SYT1: variants seen among roughly 807,000 people sequenced by gnomAD.
SYT1 encodes the protein synaptotagmin 1, also known as synaptotagmin-1.
In SYT1, 8 loss-of-function variants were observed where a neutral mutation model predicts 44.8. That is an observed-to-expected ratio of 0.18 (90% CI 0.10 to 0.32). The LOEUF is 0.32. Ranked by LOEUF, SYT1 falls within the 10% of genes least tolerant of loss-of-function variation. The pLI is 1.00. For missense variants in SYT1, 286 were observed against 509.3 expected (o/e 0.56, Z 4.22); for synonymous variants, 154 against 188.8 (o/e 0.82, Z 1.51).
At chr12:79,407,880 T>C (rs1285472851) in intron 9 of SYT1, among the ~76,000 whole-genome samples, 1 of 152,104 alleles carries the variant, frequency 6.6e-6, no homozygotes, top group Non-Finnish European at 1.5e-5. Flanking sequence ...TTTGATCACA[T>C]CACTACTGTA....
intron 8 of SYT1, among the ~76,000 whole-genome samples, chr12:79,314,896 A>G (rs1881006899): frequency 1.3e-5 from 2 of 152,242 alleles, no homozygotes; most frequent in Non-Finnish European, 2.9e-5. Context: ...AAAAAGAAAT[A>G]GTCTTGATAC....
intron 3 of SYT1, among the ~76,000 whole-genome samples, chr12:79,182,761 A>C (rs991620227): frequency 1.3e-5 from 2 of 152,088 alleles, no homozygotes; most frequent in African/African-American, 2.4e-5. Context: ...GATAACCTAA[A>C]GCAAATTGCA....
intron 1 of SYT1, among the ~76,000 whole-genome samples, chr12:78,967,389 A>T (rs902036127): frequency 2.6e-5 from 4 of 152,208 alleles, no homozygotes; most frequent in African/African-American, 9.6e-5. Flanking sequence ...GACATCAGTT[A>T]TGAAGCTAAA....
At chr12:79,020,911 C>T (rs1022898756) in intron 2 of SYT1, among the ~76,000 whole-genome samples, 1 of 151,890 alleles carries the variant, frequency 6.6e-6, no homozygotes, top group Non-Finnish European at 1.5e-5. Flanking sequence ...ATTTATGCAG[C>T]TTCTCAATAA....
At chr12:79,256,560 C>T (rs1286604801) in intron 4 of SYT1, among the ~76,000 whole-genome samples, 4 of 151,578 alleles carry the variant, frequency 2.6e-5, no homozygotes, top group African/African-American at 9.7e-5. Context: ...ATATTTTTAT[C>T]AAGTCCAGTG....
At chr12:79,332,609 A>C (rs1233972868) in intron 8 of SYT1, among the ~76,000 whole-genome samples, 4 of 152,228 alleles carry the variant, frequency 2.6e-5, no homozygotes, top group African/African-American at 9.6e-5. Flanking sequence ...CCGAAAAAGA[A>C]GTAATATGCA....
At chr12:79,025,476 C>T (rs1872467979) in intron 2 of SYT1, among the ~76,000 whole-genome samples, 1 of 151,460 alleles carries the variant, frequency 6.6e-6, no homozygotes, top group Admixed American at 6.6e-5. Flanking sequence ...TAGTAGCTTG[C>T]TTTGGGGATA....
intron 2 of SYT1, among the ~76,000 whole-genome samples, chr12:79,015,513 T>C (rs1871750173): frequency 6.6e-6 from 1 of 152,182 alleles, no homozygotes; most frequent in Non-Finnish European, 1.5e-5. Context: ...ACTACTTTGC[T>C]AATGATTTAA....
intron 1 of SYT1, among the ~76,000 whole-genome samples, chr12:78,916,648 G>T (rs965062649): frequency 1.3e-5 from 2 of 151,944 alleles, no homozygotes; most frequent in East Asian, 3.9e-4. Context: ...TTGGTTAATT[G>T]TACCCAATGA....
intron 2 of SYT1, among the ~76,000 whole-genome samples, chr12:79,002,746 C>T (rs1397636686): frequency 6.6e-6 from 1 of 151,908 alleles, no homozygotes; most frequent in Non-Finnish European, 1.5e-5. Context: ...CCATTGGGAT[C>T]CTTCTATTGT....
At chr12:79,298,647 C>T (rs1383902551) in intron 7 of SYT1, among the ~76,000 whole-genome samples, 2 of 152,172 alleles carry the variant, frequency 1.3e-5, no homozygotes, top group African/African-American at 2.4e-5. Context: ...CACTAATAAA[C>T]ATCCCAACCC....
rs190280147 is a variant in SYT1 at position 79,114,272 on chromosome 12, C to T, written c.-18+66910C>T. On this transcript the variant is annotated intron_variant, in intron 3 of 10. Coordinates refer to ENST00000261205, the MANE Select transcript of SYT1 (RefSeq NM_005639.3). ...GAAAAATAAGTGCAGTAATTCATTCCATTCATGCAGTACAGAGCCTAAGGG... is the reference window on the plus strand; with the variant it reads ...GAAAAATAAGTGCAGTAATTCATTCTATTCATGCAGTACAGAGCCTAAGGG... 4.3e-4 allele frequency among the ~76,000 whole-genome samples: 66 copies of T among 152,276 alleles called. 1 individual carries two copies. The highest frequency in any genetic ancestry group is 1.5e-3 in the African/African-American group (61 of 41,564).
chr12:79,441,072 C>T (rs1870383353), intron 9 of SYT1, among the ~76,000 whole-genome samples: 1 of 152,162 alleles, frequency 6.6e-6, no homozygotes, highest in African/African-American at 2.4e-5. Flanking sequence ...CTCAAATGTG[C>T]CCATCCCAGG....
intron 2 of SYT1, among the ~76,000 whole-genome samples, chr12:79,038,582 G>A (rs929763788): frequency 6.6e-6 from 1 of 151,882 alleles, no homozygotes; most frequent in African/African-American, 2.4e-5. Flanking sequence ...AGTGATATCT[G>A]TGCTGAGGAT....
intron 9 of SYT1, among the ~76,000 whole-genome samples, chr12:79,415,957 A>G (rs1032860439): frequency 7.9e-5 from 12 of 152,222 alleles, no homozygotes; most frequent in Middle Eastern, 3.2e-3. Flanking sequence ...TTACATGTTC[A>G]GCTTTCTCTG....
intron 9 of SYT1, among the ~76,000 whole-genome samples, chr12:79,404,905 A>T (rs1885192578): frequency 6.6e-6 from 1 of 152,166 alleles, no homozygotes; most frequent in African/African-American, 2.4e-5. Flanking sequence ...CATAATGACA[A>T]CCTGGAGGTT....
At chr12:78,891,128 T>C (rs1875030108) in intron 1 of SYT1, among the ~76,000 whole-genome samples, 2 of 151,930 alleles carry the variant, frequency 1.3e-5, no homozygotes, top group African/African-American at 4.8e-5. Context: ...ATCTATCAGA[T>C]CATTAGGCAC....
At chr12:79,164,451 A>T (rs1871128196) in intron 3 of SYT1, among the ~76,000 whole-genome samples, 1 of 152,094 alleles carries the variant, frequency 6.6e-6, no homozygotes, top group East Asian at 1.9e-4. Context: ...ACGAATAAAT[A>T]TTTATTACTT....
chr12:79,446,006 T>TACAC (rs1565961455), intron 10 of SYT1, among the ~76,000 whole-genome samples: 5 of 120,326 alleles, frequency 4.2e-5, no homozygotes, highest in African/African-American at 6.3e-5. Context: ...TATATATATA[T>TACAC]ATATATATAT....
Sources: allele counts gnomAD v4.1 joint callset (sites outside exome capture counted in the v4.1 genomes callset), GRCh38; gene constraint gnomAD v4.1.1; transcripts MANE v1.5; gene names NCBI Gene and HGNC (gene_info 2026-07-23, HGNC 2026-07-21).